THOC7: variants seen among roughly 807,000 people sequenced by gnomAD.
THOC7 encodes NIF3L1-binding protein 1.
THOC7 carries 22 observed loss-of-function variants against 33.1 expected under a neutral mutation model. The ratio of observed to expected loss-of-function variants is 0.66; its 90% confidence interval spans 0.47 to 0.95. The LOEUF (loss-of-function observed/expected upper bound fraction) is 0.95. Among genes scored for constraint, THOC7 ranks in the 40% least tolerant of loss-of-function variants. The probability of loss-of-function intolerance (pLI) is 0.00; values close to 1 mark genes in which losing one functional copy is unlikely to be tolerated. For missense variants in THOC7, 184 were observed against 245.3 expected (o/e 0.75, Z 1.67); for synonymous variants, 77 against 76.8 (o/e 1.00, Z -0.01).
chr3:63,847,656 G>A (rs1050461332), intron 1 of THOC7, among the ~76,000 whole-genome samples: 4 of 152,166 alleles, frequency 2.6e-5, no homozygotes, highest in Admixed American at 6.5e-5. Context: ...AGAATTGCTT[G>A]AACCCAGGAG....
At chr3:63,841,083 C>T (rs775502353) in intron 1 of THOC7, among the ~76,000 whole-genome samples, 3 of 152,022 alleles carry the variant, frequency 2.0e-5, no homozygotes, top group Non-Finnish European at 2.9e-5. Context: ...ATAGTATGAG[C>T]CAAAAGAATA....
intron 1 of THOC7, among the ~76,000 whole-genome samples, chr3:63,858,116 A>G (rs1436550295): frequency 6.6e-6 from 1 of 152,248 alleles, no homozygotes; most frequent in Admixed American, 6.5e-5. Flanking sequence ...ACACTTGCAC[A>G]GCATTTATAC....
intron 1 of THOC7, among the ~76,000 whole-genome samples, chr3:63,850,288 C>T (rs1701993180): frequency 6.6e-6 from 1 of 151,482 alleles, no homozygotes; most frequent in Non-Finnish European, 1.5e-5. Flanking sequence ...GCAACCTCTG[C>T]CTCCCGGGTT....
chr3:63,846,635 T>C (rs1017238740), intron 1 of THOC7, among the ~76,000 whole-genome samples: 1 of 152,010 alleles, frequency 6.6e-6, no homozygotes, highest in African/African-American at 2.4e-5. Context: ...GTTCTCAAAC[T>C]CCTGACCTCA....
At chr3:63,842,365 A>C (rs1480389725) in intron 1 of THOC7, among the ~76,000 whole-genome samples, 1 of 152,174 alleles carries the variant, frequency 6.6e-6, no homozygotes. Flanking sequence ...CTATTGGTGG[A>C]ATGTAAATTA....
Position 63,833,943 on chromosome 3 carries a change from A to T in THOC7, c.*189T>A. On this transcript the variant is annotated 3_prime_UTR_variant, in exon 8 of 8. Transcript: ENST00000295899. ...CACTTAAGAATAAAAAATGCATTTT[A>T]ATAAAAACAAATCTATACTGAAGTC... 1.9e-6 allele frequency: 1 copy of T among 518,100 alleles called. No individual in the cohort carries two copies. Among genetic ancestry groups the T allele is most frequent in the Non-Finnish European group, 3.3e-6 (1 of 306,060 alleles). 32.1% of individuals were successfully genotyped at this position (518,100 alleles called of 1,614,324 possible).
At position 63,833,888 on chromosome 3, in the gene THOC7, TATTAA is replaced by T. The variant is rs1296449917; in HGVS notation, c.*239_*243del. ...AAACATATGCAGCTTAAAAGCATTT[TATTAA>T]GCATTTTTGGATGTTGCTTCCTACC... is the stretch of plus-strand genomic sequence containing the variant. On this transcript the variant is annotated 3_prime_UTR_variant, in exon 8 of 8. Coordinates refer to ENST00000295899, the MANE Select transcript of THOC7 (RefSeq NM_025075.4). 2.6e-5 allele frequency: 11 copies of T among 418,410 alleles called. No homozygotes were observed. The highest frequency in any genetic ancestry group is 2.1e-4 in the African/African-American group (10 of 48,728). The allele number at this position is 418,410 out of a possible 1,614,324, so 25.9% of individuals were successfully genotyped here.
rs1204874640 is a variant in THOC7, at chr3:63,835,273, T to G, written c.478-50A>C. ...TACAAATGACCTGTATATATAGATA[T>G]ATAGACAGACAGATAGACAGATCAT... On this transcript the variant is annotated intron_variant, in intron 6 of 7. Transcript: ENST00000295899. The G allele has an allele frequency of 2.5e-6, 4 of 1,612,470 alleles. No individual in the cohort carries two copies. In the African/African-American group the frequency reaches 5.3e-5, roughly 22 times the overall value.
At chr3:63,840,375 T>C (rs181009577) in intron 1 of THOC7, among the ~76,000 whole-genome samples, 156 of 152,218 alleles carry the variant, frequency 1.0e-3, no homozygotes, top group African/African-American at 3.5e-3. Flanking sequence ...GAGTATCACT[T>C]GAGCCCAGGA....
chr3:63,834,330 A>G, intron 7 of THOC7, 131 bp from the exon 8 acceptor site: 1 of 854,264 alleles, frequency 1.2e-6, no homozygotes, highest in Non-Finnish European at 1.8e-6. Flanking sequence ...AGTTGAATCA[A>G]ACTTTAAAAT....
chr3:63,840,459 A>T (rs567415930), intron 1 of THOC7, among the ~76,000 whole-genome samples: 2 of 152,206 alleles, frequency 1.3e-5, no homozygotes, highest in African/African-American at 4.8e-5. Context: ...GTGTGGTGGC[A>T]TGTGCCTGTT....
upstream of THOC7, among the ~76,000 whole-genome samples, chr3:63,864,070 G>A (rs1351150040): frequency 1.4e-5 from 2 of 145,602 alleles, no homozygotes; most frequent in Non-Finnish European, 3.1e-5. Context: ...CGGCGGCCCC[G>A]GCTGCAGCCC....
At chr3:63,835,063 T>C (rs1003996185) in intron 7 of THOC7, 91 bp downstream of exon 7, 172 of 1,273,584 alleles carry the variant, frequency 1.4e-4, no homozygotes, top group Non-Finnish European at 1.6e-4. Context: ...GAAGGTATAC[T>C]GTCTCTCCAA....
At chr3:63,844,907 T>C (rs1701853672) in intron 1 of THOC7, 4 of 536,652 alleles carry the variant, frequency 7.5e-6, no homozygotes, top group Non-Finnish European at 1.0e-5. Context: ...GTACTGGCAG[T>C]GTGGCTGTTG....
intron 1 of THOC7, chr3:63,854,717 A>C (rs1702079015): frequency 6.6e-6 from 1 of 152,306 alleles, no homozygotes; most frequent in African/African-American, 2.4e-5. Flanking sequence ...ATCTGAGTCA[A>C]GAAAAGGAGG....
At chr3:63,838,136 T>C in intron 3 of THOC7, 74 bp from the exon 4 acceptor site, 2 of 1,360,804 alleles carry the variant, frequency 1.5e-6, no homozygotes, top group Non-Finnish European at 2.0e-6. Context: ...AACGCATTTA[T>C]AAATTAACCT....
rs777611205 is a variant in THOC7 at position 63,843,883 on chromosome 3, AGAGT to A, written c.20-4114_20-4111del. 8.5e-5 allele frequency among the ~76,000 whole-genome samples: 13 copies of A among 152,092 alleles called. No individual in the cohort carries two copies. In the East Asian group the frequency reaches 2.3e-3, roughly 27 times the overall value. Reference sequence around the variant, plus strand: ...GCCACTGCACTCCAGCCTGGGCGACAGAGTGAGACTCCGTCTCAGAAAAAAAAAA... The same window carrying A: ...GCCACTGCACTCCAGCCTGGGCGACAGAGACTCCGTCTCAGAAAAAAAAAA... On this transcript the variant is annotated intron_variant, in intron 1 of 7. Transcript: ENST00000295899.
In THOC7 at chr3:63,861,909, C is replaced by T. The variant is rs540172439; in HGVS notation, c.19+1863G>A. On this transcript the variant is annotated intron_variant, in intron 1 of 7. Transcript: ENST00000295899. Reference sequence around the variant, plus strand: ...CCAGGCTCAAGTGATCCTTTCTCCTCAGACTCCCAAGTCCTGGGACTACAG... The same window carrying T: ...CCAGGCTCAAGTGATCCTTTCTCCTTAGACTCCCAAGTCCTGGGACTACAG... 6 of 152,202 alleles carry T rather than the reference C, an allele frequency of 3.9e-5. No homozygotes were observed. The South Asian group carries it at 1.2e-3, about 32-fold the overall frequency. The allele number at this position is 152,202 out of a possible 1,614,324, so 9.4% of individuals were successfully genotyped here. A position where few individuals can be genotyped will look rare whatever the true frequency, so the allele number is the denominator to read the frequency against.
Position 63,838,022 on chromosome 3 carries a change from G to A in THOC7, c.306C>T (p.Cys102=), listed in dbSNP as rs750393532. Residue 102 remains cysteine (C), a synonymous_variant, in exon 4 of 8, where the codon TGC becomes TGT. Coordinates refer to ENST00000295899, the MANE Select transcript of THOC7 (RefSeq NM_025075.4). ...IAGAHEKIAE[C]KKQILQAKRI... is the part of the protein sequence containing the mutation. ...GTTTTGCTTGAAGAATTTGCTTTTT[G>A]CACTCAGCAATTTTTTCATGTGCTC... The A allele has an allele frequency of 6.2e-7, 1 of 1,608,442 alleles. No individual in the cohort carries two copies. The highest frequency in any genetic ancestry group is 8.5e-7 in the Non-Finnish European group (1 of 1,177,806).
Sources: gnomAD v4.1 joint callset for allele counts (sites outside exome capture counted in the v4.1 genomes callset) on GRCh38, gnomAD v4.1.1 for gene constraint, MANE v1.5 for transcripts, NCBI Gene and HGNC (gene_info 2026-07-23, HGNC 2026-07-21) for gene names.